DSCAM: variants seen among roughly 807,000 people sequenced by gnomAD.
DSCAM encodes cell adhesion molecule DSCAM.
In DSCAM, 47 loss-of-function variants were observed where a neutral mutation model predicts 217.7. That is an observed-to-expected ratio of 0.22 (90% CI 0.17 to 0.28). The LOEUF (loss-of-function observed/expected upper bound fraction) is 0.28. Ranked by LOEUF, DSCAM falls within the 10% of genes least tolerant of loss-of-function variation. The probability of loss-of-function intolerance (pLI) is 1.00; values close to 1 mark genes in which losing one functional copy is unlikely to be tolerated. For synonymous variants in DSCAM, 1,056 were observed against 1,015.3 expected (o/e 1.04, Z -0.76); for missense variants, 2,080 against 2,618.3 (o/e 0.79, Z 4.49).
chr21:40,230,001 A>G (rs1469487926), intron 11 of DSCAM, among the ~76,000 whole-genome samples: 1 of 152,240 alleles, frequency 6.6e-6, no homozygotes, highest in Non-Finnish European at 1.5e-5. Context: ...AGCAATTGAT[A>G]CTATCAGATC....
intron 3 of DSCAM, among the ~76,000 whole-genome samples, chr21:40,536,464 C>A (rs113201605): frequency 6.8e-6 from 1 of 148,102 alleles, no homozygotes. Context: ...TGCAGTGGCG[C>A]CATCTCGGCT....
In DSCAM at chr21:40,111,483, G is replaced by A. The variant is rs1185464761; in HGVS notation, c.3696+12712C>T. Among the ~76,000 whole-genome samples, 10 of 152,072 alleles carry A rather than the reference G, an allele frequency of 6.6e-5. No individual in the cohort carries two copies. In the East Asian group the frequency reaches 1.5e-3, roughly 23 times the overall value. ...AACATGCCAAATTGTAAAGACTGTC[G>A]AGGCTAGGAAGAAACTGCATCAACT... On this transcript the variant is annotated intron_variant, in intron 20 of 32. Coordinates refer to ENST00000400454, the MANE Select transcript of DSCAM (RefSeq NM_001389.5).
chr21:40,293,812 A>C (rs1215741449), intron 10 of DSCAM, among the ~76,000 whole-genome samples: 1 of 152,100 alleles, frequency 6.6e-6, no homozygotes, highest in Non-Finnish European at 1.5e-5. Context: ...GCGACAGAGC[A>C]AGACTCTGTC....
At chr21:40,822,402 AGTTT>A (rs968759700) in intron 1 of DSCAM, among the ~76,000 whole-genome samples, 2 of 148,146 alleles carry the variant, frequency 1.4e-5, no homozygotes, top group African/African-American at 5.0e-5. Context: ...TGGATTATTC[AGTTT>A]GTCTCCTTGT....
chr21:40,282,431 C>G (rs1466155672), intron 10 of DSCAM, among the ~76,000 whole-genome samples: 1 of 146,700 alleles, frequency 6.8e-6, no homozygotes, highest in Non-Finnish European at 1.5e-5. Flanking sequence ...ACTAAAAATA[C>G]AAAAAAAAAA....
At chr21:40,715,311 C>A (rs2090829983) in intron 1 of DSCAM, among the ~76,000 whole-genome samples, 1 of 152,174 alleles carries the variant, frequency 6.6e-6, no homozygotes, top group African/African-American at 2.4e-5. Context: ...TTAGCATCCT[C>A]CAGGTATCTT....
chr21:40,138,410 ATGTGGGGGGTGCG>A (rs903134777), intron 18 of DSCAM, among the ~76,000 whole-genome samples: 1 of 125,146 alleles, frequency 8.0e-6, no homozygotes, highest in African/African-American at 3.0e-5. Context: ...TGAGTGGTGT[ATGTGGGGGGTGCG>A]TGTGGGGTGT....
chr21:40,042,847 A>G (rs373222388), intron 31 of DSCAM, among the ~76,000 whole-genome samples, 174 bp from the exon 32 acceptor site: 2 of 152,350 alleles, frequency 1.3e-5, no homozygotes, highest in African/African-American at 4.8e-5. Context: ...CAGCTTCACA[A>G]GTCTCAGCAG....
chr21:40,287,405 T>C (rs7409786), intron 10 of DSCAM, among the ~76,000 whole-genome samples: 2,235 of 152,278 alleles, frequency 0.015, 104 homozygotes, highest in Admixed American at 0.079. Flanking sequence ...TTCTGAGACA[T>C]AGGCCATGAG....
intron 3 of DSCAM, among the ~76,000 whole-genome samples, chr21:40,633,463 A>G (rs575045850): frequency 9.8e-5 from 15 of 152,362 alleles, no homozygotes; most frequent in African/African-American, 3.6e-4. Context: ...CTCAGTAAAT[A>G]GCATCTTAAT....
chr21:40,462,784 C>T (rs917897135), intron 3 of DSCAM, among the ~76,000 whole-genome samples: 1 of 152,032 alleles, frequency 6.6e-6, no homozygotes, highest in Non-Finnish European at 1.5e-5. Context: ...CTAATGCAAC[C>T]CTAAGGTGAA....
intron 3 of DSCAM, among the ~76,000 whole-genome samples, chr21:40,498,735 GTA>G (rs1247580828): frequency 5.9e-5 from 1 of 16,858 alleles, no homozygotes; most frequent in African/African-American, 2.4e-4. Context: ...ATGGGTGTGT[GTA>G]TATATATATA....
intron 3 of DSCAM, among the ~76,000 whole-genome samples, chr21:40,441,899 A>T (rs1265385526): frequency 6.6e-6 from 1 of 152,056 alleles, no homozygotes; most frequent in African/African-American, 2.4e-5. Flanking sequence ...TCATGCTTCT[A>T]TTCTTCCACT....
chr21:40,376,096 T>G (rs2074947313), intron 3 of DSCAM, among the ~76,000 whole-genome samples: 1 of 152,196 alleles, frequency 6.6e-6, no homozygotes, highest in Non-Finnish European at 1.5e-5. Flanking sequence ...CTTGTTGTTG[T>G]GTTTTTCCTA....
chr21:40,846,932 C>T lies in DSCAM; in HGVS notation c.-271G>A, dbSNP rs2092151495. The T allele has an allele frequency of 6.6e-6, 1 of 152,024 alleles. No homozygotes were observed. The highest frequency in any genetic ancestry group is 2.4e-5 in the African/African-American group (1 of 41,426). 9.4% of individuals were successfully genotyped at this position (152,024 alleles called of 1,614,324 possible). On this transcript the variant is annotated 5_prime_UTR_variant, in exon 1 of 33. Coordinates refer to ENST00000400454, the MANE Select transcript of DSCAM (RefSeq NM_001389.5). ...GGCCGGAGCCCAGGTGCGCCGTCAG[C>T]TCAGTGGGCCCCCGGCAGGTCGGCA...
intron 3 of DSCAM, among the ~76,000 whole-genome samples, chr21:40,409,458 C>A (rs2075304584): frequency 6.6e-6 from 1 of 152,120 alleles, no homozygotes; most frequent in African/African-American, 2.4e-5. Flanking sequence ...GAGTTGAGAG[C>A]ACAGTTTCAA....
intron 1 of DSCAM, among the ~76,000 whole-genome samples, chr21:40,731,841 G>A (rs1276305488): frequency 2.7e-5 from 4 of 147,282 alleles, no homozygotes; most frequent in Admixed American, 7.1e-5. Flanking sequence ...TGATTCTCCT[G>A]CCTCAGCCTC....
intron 3 of DSCAM, among the ~76,000 whole-genome samples, chr21:40,638,267 A>G (rs906480644): frequency 1.3e-5 from 2 of 152,180 alleles, no homozygotes; most frequent in African/African-American, 2.4e-5. Flanking sequence ...CTAAACTTTC[A>G]AATGGAATTT....
intron 20 of DSCAM, among the ~76,000 whole-genome samples, chr21:40,113,966 T>A (rs1182248284): frequency 6.0e-5 from 9 of 148,874 alleles, no homozygotes; most frequent in Admixed American, 1.3e-4. Flanking sequence ...AGAATCAATA[T>A]TGTGAAAATG....
Sources: gnomAD v4.1 joint callset for allele counts (sites outside exome capture counted in the v4.1 genomes callset) on GRCh38, gnomAD v4.1.1 for gene constraint, MANE v1.5 for transcripts, NCBI Gene and HGNC (gene_info 2026-07-23, HGNC 2026-07-21) for gene names.